Variants in PAPPA2 observed in about 807,000 individuals in gnomAD.
PAPPA2 encodes pappalysin 2.
A neutral mutation model predicts 176.4 loss-of-function variants in PAPPA2; 86 were observed. The observed-to-expected ratio is 0.49, with a 90% CI of 0.41 to 0.58. PAPPA2 has a LOEUF of 0.58. PAPPA2 is among the 20% of genes least tolerant of loss of function. PAPPA2 has a pLI of 0.00. For synonymous variants in PAPPA2, 809 were observed against 852.2 expected (o/e 0.95, Z 0.88); for missense variants, 2,073 against 2,256.9 (o/e 0.92, Z 1.65).
chr1:176,719,741 C>T (rs1661536884), intron 12 of PAPPA2, among the ~76,000 whole-genome samples: 1 of 152,144 alleles, frequency 6.6e-6, no homozygotes, highest in Non-Finnish European at 1.5e-5. Flanking sequence ...ATCTTTGATT[C>T]AAATTTCACT....
chr1:176,685,089 T>C (rs145780222), intron 4 of PAPPA2, among the ~76,000 whole-genome samples: 1 of 152,062 alleles, frequency 6.6e-6, no homozygotes, highest in African/African-American at 2.4e-5. Context: ...CCTTCCTTTT[T>C]TTTTTTTGTA....
intron 1 of PAPPA2, among the ~76,000 whole-genome samples, chr1:176,510,950 CA>C (rs548539827): frequency 3.8e-4 from 56 of 149,142 alleles, no homozygotes; most frequent in African/African-American, 1.3e-3. Flanking sequence ...AAAAAAGGAA[CA>C]AAAAAAGAAT....
chr1:176,581,270 T>G (rs1207071700), intron 2 of PAPPA2, among the ~76,000 whole-genome samples: 1 of 152,202 alleles, frequency 6.6e-6, no homozygotes, highest in African/African-American at 2.4e-5. Context: ...TCAGTTGTTG[T>G]GGATACATGG....
intron 1 of PAPPA2, among the ~76,000 whole-genome samples, chr1:176,481,008 C>T (rs951828208): frequency 6.6e-6 from 1 of 152,148 alleles, no homozygotes; most frequent in African/African-American, 2.4e-5. Flanking sequence ...CTCTTGTCAC[C>T]TCGTTCTGCC....
intron 21 of PAPPA2, among the ~76,000 whole-genome samples, chr1:176,839,064 G>A (rs564542987): frequency 6.6e-6 from 1 of 152,320 alleles, no homozygotes; most frequent in Admixed American, 6.5e-5. Context: ...TTTAAGGAGG[G>A]TCGGGGGAAG....
At chr1:176,469,917 C>T (rs1444051323) in intron 1 of PAPPA2, among the ~76,000 whole-genome samples, 1 of 152,168 alleles carries the variant, frequency 6.6e-6, no homozygotes, top group Non-Finnish European at 1.5e-5. Context: ...ATGTGTACTG[C>T]TGGCCATTGG....
intron 2 of PAPPA2, among the ~76,000 whole-genome samples, chr1:176,592,519 C>A (rs1333958788): frequency 2.0e-5 from 3 of 152,116 alleles, no homozygotes; most frequent in East Asian, 1.9e-4. Context: ...TAACTTTATA[C>A]CTTTCTATGA....
At chr1:176,702,428 C>T (rs1323610641) in intron 8 of PAPPA2, among the ~76,000 whole-genome samples, 179 bp from the exon 9 acceptor site, 1 of 152,240 alleles carries the variant, frequency 6.6e-6, no homozygotes, top group African/African-American at 2.4e-5. Context: ...AATATGGTTT[C>T]AAACCTTCTG....
intron 22 of PAPPA2, 31 bp from the exon 23 acceptor site, chr1:176,842,349 A>T: frequency 6.4e-7 from 1 of 1,565,178 alleles, no homozygotes; most frequent in Non-Finnish European, 8.8e-7. Flanking sequence ...CACAGAAATG[A>T]GCTATTTCTA....
chr1:176,791,262 T>C, intron 18 of PAPPA2, 85 bp from the exon 19 acceptor site: 3 of 1,019,378 alleles, frequency 2.9e-6, no homozygotes, highest in Non-Finnish European at 3.9e-6. Flanking sequence ...AACTGGAGAA[T>C]ACTACCACTT....
chr1:176,690,855 T>A, intron 5 of PAPPA2: 1 of 992,358 alleles, frequency 1.0e-6, no homozygotes, highest in South Asian at 4.7e-5. Flanking sequence ...GTTTTTGAAG[T>A]TGGTCAACAA....
intron 8 of PAPPA2, among the ~76,000 whole-genome samples, chr1:176,700,571 A>G (rs1035674336): frequency 5.3e-5 from 8 of 152,186 alleles, no homozygotes; most frequent in African/African-American, 1.7e-4. Flanking sequence ...CTCTTTCCTC[A>G]TGGTCTCTCA....
intron 2 of PAPPA2, among the ~76,000 whole-genome samples, chr1:176,586,415 T>C (rs559042498): frequency 2.6e-5 from 4 of 152,230 alleles, no homozygotes; most frequent in Non-Finnish European, 4.4e-5. Context: ...CCTGCACCTA[T>C]TGACCCATCC....
chr1:176,473,153 C>T (rs1651960252), intron 1 of PAPPA2, among the ~76,000 whole-genome samples: 1 of 152,150 alleles, frequency 6.6e-6, no homozygotes, highest in Non-Finnish European at 1.5e-5. Context: ...ATTTCACTGC[C>T]TTAAAAATTC....
intron 1 of PAPPA2, among the ~76,000 whole-genome samples, chr1:176,494,723 C>T (rs1242639079): frequency 1.3e-5 from 2 of 152,184 alleles, no homozygotes; most frequent in South Asian, 2.1e-4. Context: ...CCTCCTCATT[C>T]GTCACTCTCT....
At chr1:176,776,628 C>T (rs560592614) in intron 17 of PAPPA2, among the ~76,000 whole-genome samples, 1 of 152,054 alleles carries the variant, frequency 6.6e-6, no homozygotes, top group East Asian at 1.9e-4. Flanking sequence ...TGTGTTTGAC[C>T]CATTTCCACA....
intron 2 of PAPPA2, among the ~76,000 whole-genome samples, chr1:176,568,947 C>T (rs113385001): frequency 2.6e-5 from 4 of 152,316 alleles, no homozygotes; most frequent in African/African-American, 9.6e-5. Context: ...CTCTGCTGCA[C>T]CCTCAGGATA....
At chr1:176,647,257 A>G (rs1282736121) in intron 3 of PAPPA2, among the ~76,000 whole-genome samples, 1 of 151,460 alleles carries the variant, frequency 6.6e-6, no homozygotes, top group Non-Finnish European at 1.5e-5. Flanking sequence ...TAGTTGGATT[A>G]TTGGATTTTT....
chr1:176,601,560 A>T (rs949677245), intron 3 of PAPPA2, among the ~76,000 whole-genome samples: 13 of 152,346 alleles, frequency 8.5e-5, no homozygotes, highest in Admixed American at 7.8e-4. Context: ...TTACCCAGCC[A>T]GTTGAACAGA....
Sources: gnomAD v4.1 joint callset for allele counts (sites outside exome capture counted in the v4.1 genomes callset) on GRCh38, gnomAD v4.1.1 for gene constraint, MANE v1.5 for transcripts, NCBI Gene and HGNC (gene_info 2026-07-23, HGNC 2026-07-21) for gene names.